The following PPFIA4 variants were observed in gnomAD, a reference collection of about 807,000 sequenced individuals.
PPFIA4 encodes liprin-alpha-4.
In PPFIA4, 98 loss-of-function variants were observed where a neutral mutation model predicts 145.7. That is an observed-to-expected ratio of 0.67 (90% CI 0.57 to 0.80). PPFIA4 has a LOEUF of 0.80. PPFIA4 is among the 30% of genes least tolerant of loss of function. The pLI is 0.00. For missense variants in PPFIA4, 1,457 were observed against 1,632.7 expected (o/e 0.89, Z 1.85); for synonymous variants, 628 against 649.6 (o/e 0.97, Z 0.51).
rs747301858 is a variant in PPFIA4 at position 203,060,230 on chromosome 1, T to TGCCTGCCTGGTATGTGGCA, written c.2605_2623dup (p.Arg875LeufsTer70). The TGCCTGCCTGGTATGTGGCA allele has an allele frequency of 6.2e-7, 1 of 1,614,002 alleles. No individual in the cohort carries two copies. The highest frequency in any genetic ancestry group is 2.2e-5 in the East Asian group (1 of 44,878). On this transcript the variant is annotated frameshift_variant, in exon 22 of 30. Coordinates refer to ENST00000295706, the MANE Select transcript of PPFIA4 (RefSeq NM_001304331.2). LOFTEE classifies it high-confidence loss of function. This position sits in a 1 kb window ranked among gnomAD's most constrained non-coding sequence, Gnocchi z 4.8. Reference sequence around the variant, plus strand: ...CGGTGTCTGCAGCTCTGGGTGGGGATGCCTGCCTGGTATGTGGCAGCCTGC... The same window carrying TGCCTGCCTGGTATGTGGCA: ...CGGTGTCTGCAGCTCTGGGTGGGGATGCCTGCCTGGTATGTGGCAGCCTGCCTGGTATGTGGCAGCCTGC...
chr1:203,056,953 C>T lies in PPFIA4; in HGVS notation c.2407+3C>T, dbSNP rs1439238105. On this transcript the variant is annotated splice_donor_region_variant and intron_variant, in intron 19 of 29. Transcript: ENST00000295706. Reference sequence around the variant, plus strand: ...TCGGGATGGAGCCACAGGCCATGGTCTCTGTCCCCTTCCTAACGGAGGTCT... The same window carrying T: ...TCGGGATGGAGCCACAGGCCATGGTTTCTGTCCCCTTCCTAACGGAGGTCT... 13 of 1,613,806 alleles carry T rather than the reference C, an allele frequency of 8.1e-6. No individual in the cohort carries two copies. The highest frequency in any genetic ancestry group is 2.2e-5 in the East Asian group (1 of 44,892).
rs755741329 is a variant in PPFIA4 at position 203,051,846 on chromosome 1, G to T, written c.1589G>T (p.Arg530Leu). The T allele has an allele frequency of 1.2e-6, 2 of 1,613,644 alleles. No individual in the cohort carries two copies. Among genetic ancestry groups the T allele is most frequent in the Admixed American group, 1.7e-5 (1 of 59,990 alleles). Reference protein sequence around the residue: ...TTHAPPGVHRRYSALREESAK... With the variant: ...TTHAPPGVHRLYSALREESAK... ...CACGCACCCCCAGGCGTGCATCGCC[G>T]CTACTCGGCATTGAGGGAAGAGTCT... The change falls in exon 14 of 30, where the codon CGC becomes CTC. Residue 530 changes from arginine to leucine, a missense_variant. Coordinates refer to ENST00000295706, the MANE Select transcript of PPFIA4 (RefSeq NM_001304331.2).
intron 13 of PPFIA4, 62 bp from the exon 14 acceptor site, chr1:203,051,707 G>C (rs1228725428): frequency 6.4e-7 from 1 of 1,550,410 alleles, no homozygotes; most frequent in Non-Finnish European, 8.7e-7. Context: ...GGGCCCACTG[G>C]GTGTGAGCTG....
chr1:203,046,441 AGCC>A, intron 9 of PPFIA4, 59 bp downstream of exon 9: 1 of 1,515,970 alleles, frequency 6.6e-7, no homozygotes, highest in Non-Finnish European at 8.9e-7. Context: ...GCTCTCAGGG[AGCC>A]AGGCAGGGAA....
Position 203,043,585 on chromosome 1 carries a change from C to A in PPFIA4, c.336+87C>A. 5 of 1,235,406 alleles carry A rather than the reference C, an allele frequency of 4.0e-6. No homozygotes were observed. The highest frequency in any genetic ancestry group is 1.9e-4 in the Middle Eastern group (1 of 5,324). The allele number at this position is 1,235,406 out of a possible 1,614,324, so 76.5% of individuals were successfully genotyped here. ...GTTGTGAACACCTTGACCAAGAGAGCAGGCAAGAGTGGGGCCAGGCACAGT... is the reference window on the plus strand; with the variant it reads ...GTTGTGAACACCTTGACCAAGAGAGAAGGCAAGAGTGGGGCCAGGCACAGT... On this transcript the variant is annotated intron_variant, in intron 3 of 29. Transcript: ENST00000295706. The surrounding 1 kb of genome is among the most constrained non-coding windows in gnomAD (Gnocchi z 4.4).
At chr1:203,057,761 G>A (rs1001865736) in intron 19 of PPFIA4, among the ~76,000 whole-genome samples, 5 of 152,198 alleles carry the variant, frequency 3.3e-5, no homozygotes, top group Admixed American at 2.6e-4. Flanking sequence ...GGTGCTTGTG[G>A]GACTCAGAAC....
At chr1:203,066,196 T>G (rs564085321) in intron 25 of PPFIA4, among the ~76,000 whole-genome samples, 2 of 152,318 alleles carry the variant, frequency 1.3e-5, no homozygotes, top group African/African-American at 4.8e-5. Context: ...GCATTTCCAG[T>G]CATGAGCTGT....
chr1:203,064,453 G>A (rs1461528648), intron 25 of PPFIA4, among the ~76,000 whole-genome samples: 2 of 152,148 alleles, frequency 1.3e-5, no homozygotes, highest in East Asian at 1.9e-4. Context: ...ATCCCAGATC[G>A]GAACCTCTCC....
intron 2 of PPFIA4, 90 bp downstream of exon 2, chr1:203,039,332 T>A (rs1294912188): frequency 2.1e-6 from 2 of 932,946 alleles, no homozygotes; most frequent in Non-Finnish European, 3.1e-6. Context: ...CTGCATCTAT[T>A]TGCATATCAA....
At chr1:203,061,146 G>A (rs1661329510) in intron 23 of PPFIA4, 114 bp downstream of exon 23, 2 of 998,974 alleles carry the variant, frequency 2.0e-6, no homozygotes, top group African/African-American at 1.6e-5. Context: ...TCTCACGTGA[G>A]GTTGGTATCC....
At chr1:203,061,204 G>A (rs1297478388) in intron 23 of PPFIA4, among the ~76,000 whole-genome samples, 172 bp downstream of exon 23, 1 of 152,186 alleles carries the variant, frequency 6.6e-6, no homozygotes, top group Non-Finnish European at 1.5e-5. Context: ...GGAGAGGGGT[G>A]AGGCTGGGAG....
At position 203,048,511 on chromosome 1, in the gene PPFIA4, G is replaced by T; in HGVS notation, c.1225-72G>T. On this transcript the variant is annotated intron_variant, in intron 10 of 29. Transcript: ENST00000295706. This position sits in a 1 kb window ranked among gnomAD's most constrained non-coding sequence, Gnocchi z 5.8. ...GAGGATGAGAAGAGGACAGGGGAGG[G>T]AGTCAAACCCCAGCAGGAGAGGGTG... 6.5e-7 allele frequency: 1 copy of T among 1,547,410 alleles called. No individual in the cohort carries two copies. Among genetic ancestry groups the T allele is most frequent in the Non-Finnish European group, 8.7e-7 (1 of 1,144,970 alleles).
intron 2 of PPFIA4, among the ~76,000 whole-genome samples, chr1:203,042,309 G>A (rs79802053): frequency 0.027 from 4,060 of 152,278 alleles, 171 homozygotes; most frequent in African/African-American, 0.092. Flanking sequence ...GGGCTGGCAA[G>A]GTCTCTGAAG....
intron 7 of PPFIA4, 138 bp downstream of exon 7, chr1:203,045,697 G>T: frequency 1.4e-6 from 2 of 1,461,032 alleles, no homozygotes; most frequent in Non-Finnish European, 1.8e-6. Flanking sequence ...CATGGAAGGG[G>T]TGGGCCAAAG....
Position 203,046,003 on chromosome 1 carries a change from G to C in PPFIA4, c.1005+16G>C, listed in dbSNP as rs1261852700. The C allele has an allele frequency of 6.2e-7, 1 of 1,612,276 alleles. No individual in the cohort carries two copies. Among genetic ancestry groups the C allele is most frequent in the Admixed American group, 1.7e-5 (1 of 60,010 alleles). On this transcript the variant is annotated intron_variant, in intron 8 of 29. Transcript: ENST00000295706. ...GCACCGCCAGGTACCTCCTCAGGGT[G>C]GGGTGGGGATGGGCATTGTACTTAG...
chr1:203,075,540 C>G lies in PPFIA4; in HGVS notation c.3394-37C>G. 1 of 1,364,684 alleles carries G rather than the reference C, an allele frequency of 7.3e-7. No homozygotes were observed. The highest frequency in any genetic ancestry group is 9.5e-7 in the Non-Finnish European group (1 of 1,052,466). The allele number at this position is 1,364,684 out of a possible 1,614,324, so 84.5% of individuals were successfully genotyped here. ...CAGGGCGTGAGGATGGCAATTCCAA[C>G]AGGGCCCTCGGGCCTCTGGTGTCCC... On this transcript the variant is annotated intron_variant, in intron 28 of 29. Transcript: ENST00000295706. The surrounding 1 kb of genome is among the most constrained non-coding windows in gnomAD (Gnocchi z 4.1).
chr1:203,068,759 G>T lies in PPFIA4; in HGVS notation c.3324+131G>T. 1.1e-6 allele frequency: 1 copy of T among 917,418 alleles called. No individual in the cohort carries two copies. The highest frequency in any genetic ancestry group is 1.5e-6 in the Non-Finnish European group (1 of 654,226). The allele number at this position is 917,418 out of a possible 1,614,324, so 56.8% of individuals were successfully genotyped here. A position where few individuals can be genotyped will look rare whatever the true frequency, so the allele number is the denominator to read the frequency against. ...GCTTTTCTAGGGCCTATGCCAGAGG[G>T]GATCGCAATGTCCTCAATTCTCCAA... On this transcript the variant is annotated intron_variant, in intron 27 of 29. Coordinates refer to ENST00000295706, the MANE Select transcript of PPFIA4 (RefSeq NM_001304331.2). This position sits in a 1 kb window ranked among gnomAD's most constrained non-coding sequence, Gnocchi z 4.7.
intron 27 of PPFIA4, among the ~76,000 whole-genome samples, chr1:203,070,585 C>CAAAAA (rs571325182): frequency 6.4e-5 from 5 of 77,534 alleles, no homozygotes; most frequent in East Asian, 8.7e-4. Flanking sequence ...CTGTCTCCCT[C>CAAAAA]AAAAAAAAAA....
In PPFIA4 at chr1:203,048,432, G is replaced by A; in HGVS notation, c.1224+122G>A. The stretch of plus-strand genomic sequence containing the variant: ...GGGACACAGCCACAGAGAGTGGGAG[G>A]AGGCTGGCAGGTGAAGGGGGAGGTG... On this transcript the variant is annotated intron_variant, in intron 10 of 29. Coordinates refer to ENST00000295706, the MANE Select transcript of PPFIA4 (RefSeq NM_001304331.2). The surrounding 1 kb of genome is among the most constrained non-coding windows in gnomAD (Gnocchi z 5.8). The A allele has an allele frequency of 2.7e-6, 4 of 1,462,864 alleles. No individual in the cohort carries two copies. The highest frequency in any genetic ancestry group is 3.7e-6 in the Non-Finnish European group (4 of 1,070,328). 90.6% of individuals were successfully genotyped at this position (1,462,864 alleles called of 1,614,324 possible).
Sources: allele counts gnomAD v4.1 joint callset (sites outside exome capture counted in the v4.1 genomes callset), GRCh38; gene constraint gnomAD v4.1.1; non-coding constraint Gnocchi (gnomAD v3.1); transcripts MANE v1.5; gene names NCBI Gene and HGNC (gene_info 2026-07-23, HGNC 2026-07-21).